The following SPRED1 variants were observed in gnomAD, a reference collection of about 807,000 sequenced individuals.
SPRED1 encodes the protein sprouty related EVH1 domain containing 1, also known as sprouty-related, EVH1 domain-containing protein 1.
In SPRED1, 18 loss-of-function variants were observed where a neutral mutation model predicts 52.3. The ratio of observed to expected loss-of-function variants is 0.34; its 90% confidence interval spans 0.24 to 0.51. SPRED1 has a LOEUF of 0.51. Ranked by LOEUF, SPRED1 falls within the 20% of genes least tolerant of loss-of-function variation. The probability of loss-of-function intolerance (pLI) is 0.97; values close to 1 mark genes in which losing one functional copy is unlikely to be tolerated. For missense variants in SPRED1, 485 were observed against 551.0 expected (o/e 0.88, Z 1.20); for synonymous variants, 155 against 179.7 (o/e 0.86, Z 1.10).
At chr15:38,318,584 CCTT>C (rs1895536839) in intron 2 of SPRED1, among the ~76,000 whole-genome samples, 1 of 152,134 alleles carries the variant, frequency 6.6e-6, no homozygotes, top group African/African-American at 2.4e-5. Context: ...TTACCTCCCT[CCTT>C]CTCTTTCCCC....
chr15:38,323,444 AC>A (rs1380564007), intron 3 of SPRED1, among the ~76,000 whole-genome samples: 6 of 152,174 alleles, frequency 3.9e-5, no homozygotes, highest in Non-Finnish European at 7.4e-5. Context: ...CATTAAAATC[AC>A]CTGGGAAGCT....
chr15:38,349,640 T>C lies in SPRED1; in HGVS notation c.684+117T>C, dbSNP rs1595762679. 5 of 776,930 alleles carry C rather than the reference T, an allele frequency of 6.4e-6. No individual in the cohort carries two copies. In the East Asian group the frequency reaches 8.5e-5, roughly 13 times the overall value. The allele number at this position is 776,930 out of a possible 1,614,324, so 48.1% of individuals were successfully genotyped here. ...AATTGTACTAGAAAATTTTTCATTG[T>C]ATAAATTTGCTGCCTATGTGCTTAA... is the stretch of plus-strand genomic sequence containing the variant. On this transcript the variant is annotated intron_variant, in intron 6 of 6. Coordinates refer to ENST00000299084, the MANE Select transcript of SPRED1 (RefSeq NM_152594.3).
rs1419303814 is a variant in SPRED1 at position 38,339,859 on chromosome 15, T to C, written c.546T>C (p.Asn182=). 2 of 1,613,812 alleles carry C rather than the reference T, an allele frequency of 1.2e-6. No homozygotes were observed. The highest frequency in any genetic ancestry group is 2.7e-5 in the African/African-American group (2 of 74,924). ...GACCTTCTCCCTTTGAAGATCTGAA[T>C]GCCAGAAGAGTCTACATGCAAAGCC... is the stretch of plus-strand genomic sequence containing the variant. The part of the protein sequence containing the change: ...NIRPSPFEDL[N]ARRVYMQSQA... Residue 182 remains asparagine (N), a synonymous_variant, in exon 5 of 7, where the codon AAT becomes AAC. Transcript: ENST00000299084.
intron 1 of SPRED1, among the ~76,000 whole-genome samples, chr15:38,287,343 T>C (rs1204627931): frequency 6.6e-6 from 1 of 152,120 alleles, no homozygotes; most frequent in African/African-American, 2.4e-5. Context: ...TGACTCCCTT[T>C]CCCCCACTAT....
At chr15:38,280,230 G>C (rs1461047833) in intron 1 of SPRED1, among the ~76,000 whole-genome samples, 2 of 152,160 alleles carry the variant, frequency 1.3e-5, no homozygotes, top group Admixed American at 1.3e-4. Context: ...TAAGTTGGAA[G>C]AGAAATACCT....
In SPRED1 at chr15:38,275,443, A is replaced by G. The variant is rs939345003; in HGVS notation, c.32+22226A>G. 3.9e-5 allele frequency among the ~76,000 whole-genome samples: 6 copies of G among 152,226 alleles called. No homozygotes were observed. In the South Asian group the frequency reaches 8.3e-4, roughly 21 times the overall value. On this transcript the variant is annotated intron_variant, in intron 1 of 6. Coordinates refer to ENST00000299084, the MANE Select transcript of SPRED1 (RefSeq NM_152594.3). ...TTTTATTGGAGAATTGTATTTAGAA[A>G]CTACTCTATGGGTGCTAGATGTGCT...
At chr15:38,345,190 C>CTGA (rs1473590706) in intron 5 of SPRED1, among the ~76,000 whole-genome samples, 4 of 152,154 alleles carry the variant, frequency 2.6e-5, no homozygotes, top group Non-Finnish European at 5.9e-5. Context: ...CTAAAGTCGT[C>CTGA]TTCAGAGATT....
At chr15:38,348,618 T>C (rs1896190558) in intron 5 of SPRED1, among the ~76,000 whole-genome samples, 1 of 152,130 alleles carries the variant, frequency 6.6e-6, no homozygotes, top group Non-Finnish European at 1.5e-5. Context: ...GGTTATAGTG[T>C]TTATTAAGTA....
rs538045818 is a variant in SPRED1 at position 38,305,241 on chromosome 15, A to C, written c.207+5694A>C. Among the ~76,000 whole-genome samples, 93 of 152,058 alleles carry C rather than the reference A, an allele frequency of 6.1e-4. 1 individual carries two copies. Among genetic ancestry groups the C allele is most frequent in the Middle Eastern group, 3.4e-3 (1 of 294 alleles). ...CAGCTACTTAGGAGGCTGAGGCAGG[A>C]GAATTGCTTGAATGTGGGAGGCAGA... On this transcript the variant is annotated intron_variant, in intron 2 of 6. Coordinates refer to ENST00000299084, the MANE Select transcript of SPRED1 (RefSeq NM_152594.3).
intron 1 of SPRED1, among the ~76,000 whole-genome samples, chr15:38,253,979 G>A (rs962605104): frequency 7.2e-5 from 11 of 152,118 alleles, no homozygotes; most frequent in Admixed American, 2.0e-4. Context: ...AACTTTTAGA[G>A]CATTCCGGTT....
intron 1 of SPRED1, among the ~76,000 whole-genome samples, chr15:38,296,236 A>G (rs2140976037): frequency 6.6e-6 from 1 of 152,256 alleles, no homozygotes; most frequent in Non-Finnish European, 1.5e-5. Flanking sequence ...GAGAAAAGAA[A>G]CTAAAAAAGC....
intron 1 of SPRED1, 106 bp from the exon 2 acceptor site, chr15:38,299,267 C>T: frequency 8.1e-7 from 1 of 1,227,148 alleles, no homozygotes; most frequent in East Asian, 2.3e-5. Context: ...ACACCTTAGT[C>T]ACCACATGTT....
chr15:38,306,008 G>C (rs1183107917), intron 2 of SPRED1, among the ~76,000 whole-genome samples: 1 of 151,152 alleles, frequency 6.6e-6, no homozygotes, highest in Non-Finnish European at 1.5e-5. Flanking sequence ...TCATTGCCCA[G>C]TTTTACCTGG....
At chr15:38,344,119 AT>A (rs1229101088) in intron 5 of SPRED1, among the ~76,000 whole-genome samples, 3 of 152,186 alleles carry the variant, frequency 2.0e-5, no homozygotes, top group African/African-American at 7.2e-5. Context: ...CCTGTGAGAC[AT>A]TTGAATCTGG....
intron 1 of SPRED1, among the ~76,000 whole-genome samples, chr15:38,265,595 A>G (rs1894291486): frequency 6.6e-6 from 1 of 152,128 alleles, no homozygotes; most frequent in Non-Finnish European, 1.5e-5. Context: ...GAGTAGGTTA[A>G]TAAGACAAAC....
chr15:38,320,073 T>G (rs1428344771), intron 2 of SPRED1, among the ~76,000 whole-genome samples: 1 of 152,184 alleles, frequency 6.6e-6, no homozygotes, highest in Non-Finnish European at 1.5e-5. Flanking sequence ...AGTAAAATAA[T>G]TAGGAACTGA....
At chr15:38,303,520 A>G (rs1299896902) in intron 2 of SPRED1, among the ~76,000 whole-genome samples, 1 of 152,174 alleles carries the variant, frequency 6.6e-6, no homozygotes, top group Non-Finnish European at 1.5e-5. Context: ...GTGACATGTA[A>G]ATTTAAAATA....
rs1452661347 is a variant in SPRED1, at chr15:38,253,217, A to T, written c.32A>T (p.Asp11Val). 3 of 1,576,560 alleles carry T rather than the reference A, an allele frequency of 1.9e-6. No individual in the cohort carries two copies. In the African/African-American group the frequency reaches 4.1e-5, roughly 21 times the overall value. ...GAGGAGACGGCGACTTCTGACAACG[A>T]GTAAGCGCCTCATTGATCTCGATTG... MSEETATSDN[D>V]NSYARVRAVV... is the part of the protein sequence containing the mutation. Residue 11 changes from aspartate to valine, a missense_variant and splice_region_variant, in exon 1 of 7, where the codon GAT becomes GTT. This residue lies in a region of SPRED1 where 34 missense variants were observed against 25.8 expected (regional missense o/e 1.32). Transcript: ENST00000299084.
chr15:38,314,886 G>A (rs1365050123), intron 2 of SPRED1, among the ~76,000 whole-genome samples: 2 of 151,324 alleles, frequency 1.3e-5, no homozygotes, highest in Non-Finnish European at 3.0e-5. Context: ...TTTTGTGGTA[G>A]CTGAAGGTAA....
Sources: gnomAD v4.1 joint callset for allele counts (sites outside exome capture counted in the v4.1 genomes callset) on GRCh38, gnomAD v4.1.1 for gene constraint, gnomAD v4.1.1 regional missense constraint, MANE v1.5 for transcripts, NCBI Gene and HGNC (gene_info 2026-07-23, HGNC 2026-07-21) for gene names.